LNX2: variants seen among roughly 807,000 people sequenced by gnomAD.
The protein encoded by LNX2 is ligand of Numb protein X 2.
In LNX2, 35 loss-of-function variants were observed where a neutral mutation model predicts 66.2. That is an observed-to-expected ratio of 0.53 (90% CI 0.40 to 0.70). LNX2 has a LOEUF of 0.70. Among genes scored for constraint, LNX2 ranks in the 30% least tolerant of loss-of-function variants. LNX2 has a pLI of 0.00. For missense variants in LNX2, 791 were observed against 850.8 expected (o/e 0.93, Z 0.87); for synonymous variants, 337 against 315.6 (o/e 1.07, Z -0.72).
chr13:27,579,943 CAA>C (rs1400597980), intron 2 of LNX2, among the ~76,000 whole-genome samples: 1 of 152,142 alleles, frequency 6.6e-6, no homozygotes, highest in African/African-American at 2.4e-5. Flanking sequence ...CACGCATTTT[CAA>C]AAGTCTGTCT....
Position 27,559,867 on chromosome 13 carries a change from T to TA in LNX2, c.1342dup (p.Tyr448LeufsTer3). 6.2e-7 allele frequency: 1 copy of TA among 1,606,516 alleles called. No homozygotes were observed. On this transcript the variant is annotated frameshift_variant, in exon 6 of 10. Transcript: ENST00000316334. LOFTEE classifies it high-confidence loss of function. Reference sequence around the variant, plus strand: ...CTTATGTGAGCTTGGTCTGCTATAATACGGTGGTGGTGTGTGGTGCTGGCT... The same window carrying TA: ...CTTATGTGAGCTTGGTCTGCTATAATAACGGTGGTGGTGTGTGGTGCTGGCT...
chr13:27,585,221 C>T (rs1355764708), intron 1 of LNX2, among the ~76,000 whole-genome samples: 1 of 151,480 alleles, frequency 6.6e-6, no homozygotes, highest in East Asian at 1.9e-4. Context: ...GTCAGGAGAT[C>T]GAGACCATCC....
At chr13:27,583,255 T>TGCGTGCGCGCGCGCGCGCGC (rs1555268513) in intron 1 of LNX2, among the ~76,000 whole-genome samples, 2 of 58,530 alleles carry the variant, frequency 3.4e-5, no homozygotes, top group Admixed American at 3.5e-4. Context: ...TGTGTGTGTG[T>TGCGTGCGCGCGCGCGCGCGC]GCGCGCGTCC....
chr13:27,574,093 A>G (rs1405347714), intron 2 of LNX2, among the ~76,000 whole-genome samples: 3 of 152,230 alleles, frequency 2.0e-5, no homozygotes. Flanking sequence ...TCAAAAAGAA[A>G]ATATCAATAA....
chr13:27,547,985 C>T lies in LNX2; in HGVS notation c.*350G>A, dbSNP rs1464003778. 3 of 243,434 alleles carry T rather than the reference C, an allele frequency of 1.2e-5. No homozygotes were observed. The highest frequency in any genetic ancestry group is 1.6e-5 in the Non-Finnish European group (2 of 124,714). The allele number at this position is 243,434 out of a possible 1,614,324, so 15.1% of individuals were successfully genotyped here. A position where few individuals can be genotyped will look rare whatever the true frequency, so the allele number is the denominator to read the frequency against. On this transcript the variant is annotated 3_prime_UTR_variant, in exon 10 of 10. Transcript: ENST00000316334. ...AGGCCTGAGGGATACAGAACTCGTT[C>T]TATGATTCAGTTACTGAAAACAAAG...
At chr13:27,559,717 TC>T in intron 6 of LNX2, 124 bp downstream of exon 6, 1 of 894,914 alleles carries the variant, frequency 1.1e-6, no homozygotes. Context: ...CTCATTTGAA[TC>T]TTTTTTTTAA....
At chr13:27,560,350 G>A (rs1195979114) in intron 5 of LNX2, among the ~76,000 whole-genome samples, 2 of 151,942 alleles carry the variant, frequency 1.3e-5, no homozygotes, top group African/African-American at 2.4e-5. Context: ...CAGAGCAAAG[G>A]AAATAAAAGG....
At chr13:27,616,931 A>G (rs1257056786) in intron 1 of LNX2, among the ~76,000 whole-genome samples, 1 of 152,122 alleles carries the variant, frequency 6.6e-6, no homozygotes, top group Admixed American at 6.5e-5. Context: ...TCGTATTTTT[A>G]GTAGAGACAG....
At chr13:27,605,275 G>C (rs1955702040) in intron 1 of LNX2, among the ~76,000 whole-genome samples, 1 of 152,204 alleles carries the variant, frequency 6.6e-6, no homozygotes, top group Non-Finnish European at 1.5e-5. Flanking sequence ...GACAGAGATA[G>C]ATAATGCAAG....
Position 27,587,849 on chromosome 13 carries a change from A to G in LNX2, c.-100-6046T>C, listed in dbSNP as rs7489779. 8.4e-3 allele frequency among the ~76,000 whole-genome samples: 1,277 copies of G among 152,004 alleles called. 20 individuals are homozygous for G. Among genetic ancestry groups the G allele is most frequent in the Middle Eastern group, 0.037 (11 of 294 alleles). On this transcript the variant is annotated intron_variant, in intron 1 of 9. Coordinates refer to ENST00000316334, the MANE Select transcript of LNX2 (RefSeq NM_153371.4). The stretch of plus-strand genomic sequence containing the variant: ...ATCCTGGCTAACACAGTGAAACCCC[A>G]TCTCTACTAAAAATACAAAAAATTA...
chr13:27,589,111 G>A (rs372804974), intron 1 of LNX2, among the ~76,000 whole-genome samples: 60 of 152,236 alleles, frequency 3.9e-4, no homozygotes, highest in Middle Eastern at 3.4e-3. Flanking sequence ...AAGAAGTACC[G>A]GTCAATAACC....
intron 1 of LNX2, among the ~76,000 whole-genome samples, chr13:27,583,459 T>C (rs561107108): frequency 4.6e-5 from 7 of 152,048 alleles, no homozygotes; most frequent in Non-Finnish European, 1.0e-4. Flanking sequence ...GGTTTCACCA[T>C]ATTGGCCAGG....
intron 7 of LNX2, among the ~76,000 whole-genome samples, chr13:27,555,226 G>A (rs1489226735): frequency 1.3e-5 from 2 of 152,218 alleles, no homozygotes; most frequent in Non-Finnish European, 2.9e-5. Flanking sequence ...TGAGATTACA[G>A]GCGTGAGCCA....
chr13:27,613,446 G>A (rs1317454390), intron 1 of LNX2, among the ~76,000 whole-genome samples: 1 of 152,126 alleles, frequency 6.6e-6, no homozygotes, highest in African/African-American at 2.4e-5. Context: ...AAAATTTAGG[G>A]AAACGACAAG....
chr13:27,570,132 A>G (rs1955260541), intron 2 of LNX2, among the ~76,000 whole-genome samples: 1 of 152,214 alleles, frequency 6.6e-6, no homozygotes, highest in Admixed American at 6.5e-5. Flanking sequence ...GACAGTGACT[A>G]ATAACCCCTA....
At position 27,548,031 on chromosome 13, in the gene LNX2, T is replaced by C; in HGVS notation, c.*304A>G. ...CAAAGACCCACCAGAAGGTCTTTAC[T>C]CCATCTGGGGCACAGTTTGGGTGAG... On this transcript the variant is annotated 3_prime_UTR_variant, in exon 10 of 10. Coordinates refer to ENST00000316334, the MANE Select transcript of LNX2 (RefSeq NM_153371.4). 1 of 324,354 alleles carries C rather than the reference T, an allele frequency of 3.1e-6. No homozygotes were observed. Among genetic ancestry groups the C allele is most frequent in the Non-Finnish European group, 5.7e-6 (1 of 175,340 alleles). 20.1% of individuals were successfully genotyped at this position (324,354 alleles called of 1,614,324 possible). A position where few individuals can be genotyped will look rare whatever the true frequency, so the allele number is the denominator to read the frequency against.
At chr13:27,619,719 C>G (rs1404754432) in intron 1 of LNX2, among the ~76,000 whole-genome samples, 1 of 152,192 alleles carries the variant, frequency 6.6e-6, no homozygotes, top group Admixed American at 6.5e-5. Context: ...AGTCAAAAGT[C>G]CTTGTTTAAA....
At chr13:27,611,411 A>G (rs1315416994) in intron 1 of LNX2, among the ~76,000 whole-genome samples, 1 of 152,228 alleles carries the variant, frequency 6.6e-6, no homozygotes, top group African/African-American at 2.4e-5. Context: ...CTCAAATTCT[A>G]AAAAGTAGAA....
At chr13:27,606,271 C>A (rs1955714657) in intron 1 of LNX2, among the ~76,000 whole-genome samples, 1 of 151,578 alleles carries the variant, frequency 6.6e-6, no homozygotes, top group Admixed American at 6.6e-5. Context: ...CCAAGGCCAC[C>A]TAGTAAATAT....
Sources: gnomAD v4.1 joint callset for allele counts (sites outside exome capture counted in the v4.1 genomes callset) on GRCh38, gnomAD v4.1.1 for gene constraint, MANE v1.5 for transcripts, NCBI Gene and HGNC (gene_info 2026-07-23, HGNC 2026-07-21) for gene names.